ANAPC11: variants seen among roughly 807,000 people sequenced by gnomAD.
The protein encoded by ANAPC11 is anaphase promoting complex subunit 11.
Under a neutral mutation model 11.8 loss-of-function variants are expected in ANAPC11, and 5 were observed. That is an observed-to-expected ratio of 0.42 (90% CI 0.22 to 0.89). The LOEUF is 0.89. Ranked by LOEUF, ANAPC11 falls within the 40% of genes least tolerant of loss-of-function variation. The probability of loss-of-function intolerance (pLI) is 0.28; values close to 1 mark genes in which losing one functional copy is unlikely to be tolerated. For synonymous variants in ANAPC11, 45 were observed against 41.0 expected, an observed-to-expected ratio of 1.10 and a Z score of -0.38; for missense variants, 68 against 112.9, an observed-to-expected ratio of 0.60 and a Z score of 1.80.
chr17:81,891,795 C>G lies in ANAPC11; in HGVS notation c.-121C>G, dbSNP rs1433976200. ...GCCGCGACTGTGGTCGTTTTTATAC[C>G]TTCCCGCGCGGACGCCGGCGCTGCC... On this transcript the variant is annotated 5_prime_UTR_variant, in exon 1 of 4. Transcript: ENST00000344877. 3.8e-6 allele frequency: 1 copy of G among 264,104 alleles called. No homozygotes were observed. Among genetic ancestry groups the G allele is most frequent in the African/African-American group, 2.3e-5 (1 of 43,232 alleles). The allele number at this position is 264,104 out of a possible 1,614,324, so 16.4% of individuals were successfully genotyped here.
At chr17:81,891,629 C>T, upstream of ANAPC11, 2 of 1,331,422 alleles carry the variant, frequency 1.5e-6, no homozygotes, top group Admixed American at 3.3e-5. Flanking sequence ...TCCGGCGCCG[C>T]GTGAGGCCTT....
intron 3 of ANAPC11, chr17:81,899,183 G>C (rs1283150069): frequency 2.6e-6 from 4 of 1,540,468 alleles, no homozygotes; most frequent in African/African-American, 2.7e-5. Flanking sequence ...GGCTCTTGGA[G>C]ATCAGGGACA....
In ANAPC11 at chr17:81,894,506, G is replaced by T; in HGVS notation, c.29G>T (p.Gly10Val). Residue 10 changes from glycine to valine, a missense_variant, in exon 3 of 4, where the codon GGC (glycine) becomes GTC (valine). Coordinates refer to ENST00000344877, the MANE Select transcript of ANAPC11 (RefSeq NM_001002248.3). MKVKIKCWN[G>V]VATWLWVAND... ...AAGGTGAAGATTAAGTGCTGGAACG[G>T]CGTGGCCACTTGGCTCTGGGTGGCC... The T allele has an allele frequency of 6.2e-7, 1 of 1,613,164 alleles. No individual in the cohort carries two copies. The highest frequency in any genetic ancestry group is 8.5e-7 in the Non-Finnish European group (1 of 1,179,380).
intron 3 of ANAPC11, among the ~76,000 whole-genome samples, chr17:81,895,949 A>C (rs147463213): frequency 3.9e-5 from 6 of 152,260 alleles, no homozygotes; most frequent in African/African-American, 1.4e-4. Flanking sequence ...AACAAACAAA[A>C]AAAAGATTAG....
intron 3 of ANAPC11, 21 bp downstream of exon 3, chr17:81,894,607 G>C (rs1435250365): frequency 2.6e-6 from 4 of 1,558,724 alleles, no homozygotes; most frequent in Admixed American, 1.7e-5. Flanking sequence ...CCTCCATGCT[G>C]TCTGAGCGGC....
At chr17:81,899,720 T>C (rs1177342424) in intron 3 of ANAPC11, 200 bp from the exon 4 acceptor site, 2 of 953,444 alleles carry the variant, frequency 2.1e-6, no homozygotes, top group Admixed American at 5.7e-5. Flanking sequence ...TGTCCCTTGG[T>C]CATTGCTGGT....
chr17:81,897,717 C>T (rs148750831), intron 3 of ANAPC11, among the ~76,000 whole-genome samples: 1,746 of 152,194 alleles, frequency 0.011, 31 homozygotes, highest in African/African-American at 0.04. Flanking sequence ...CTCCTGGGCT[C>T]AAGGGATCTG....
At chr17:81,894,704 A>G in intron 3 of ANAPC11, 118 bp downstream of exon 3, 2 of 453,576 alleles carry the variant, frequency 4.4e-6, no homozygotes, top group South Asian at 6.5e-5. Flanking sequence ...CGAAATACCC[A>G]GTTTCATTTT....
At chr17:81,899,412 C>T in intron 3 of ANAPC11, 1 of 1,613,988 alleles carries the variant, frequency 6.2e-7, no homozygotes, top group Non-Finnish European at 8.5e-7. Flanking sequence ...GTCCCCAGAC[C>T]CCACCCCTCC....
chr17:81,890,946 G>A (rs2039510862), upstream of ANAPC11: 4 of 1,427,752 alleles, frequency 2.8e-6, no homozygotes, highest in Admixed American at 2.1e-5. Flanking sequence ...GGGGCCGCCA[G>A]CGCTCCCTCC....
rs1230986658 is a variant in ANAPC11 at position 81,900,130 on chromosome 17, T to A, written c.*65T>A. 1.2e-6 allele frequency: 2 copies of A among 1,600,952 alleles called. No homozygotes were observed. Among genetic ancestry groups the A allele is most frequent in the Non-Finnish European group, 1.7e-6 (2 of 1,174,170 alleles). ...CCTTCCTCATGCTGGCGCCGATGGC[T>A]GCTGGGGACAGCGCCCCTGAGCTGC... On this transcript the variant is annotated 3_prime_UTR_variant, in exon 4 of 4. Coordinates refer to ENST00000344877, the MANE Select transcript of ANAPC11 (RefSeq NM_001002248.3).
At chr17:81,897,613 A>T (rs1028357910) in intron 3 of ANAPC11, among the ~76,000 whole-genome samples, 3 of 152,062 alleles carry the variant, frequency 2.0e-5, no homozygotes, top group Non-Finnish European at 4.4e-5. Context: ...AGTAGCTGGG[A>T]CCACAGGCAT....
chr17:81,897,479 A>G (rs750925852), intron 3 of ANAPC11, among the ~76,000 whole-genome samples: 6 of 151,862 alleles, frequency 4.0e-5, no homozygotes, highest in Non-Finnish European at 8.8e-5. Flanking sequence ...GAATCTTAGT[A>G]CAATTTTTTT....
chr17:81,899,684 G>T, intron 3 of ANAPC11: 1 of 1,104,964 alleles, frequency 9.1e-7, no homozygotes. Flanking sequence ...TGCTGCGGTT[G>T]CCCCGGGTGG....
rs150198509 is a variant in ANAPC11 at position 81,899,325 on chromosome 17, C to A, written c.110-595C>A. ...TGTCCTGGGAGGCAGGGCCCATCCA[C>A]AGGTGCCCATCAACACAGCTTCCCC... On this transcript the variant is annotated intron_variant, in intron 3 of 3. Transcript: ENST00000344877. 18 of 1,613,530 alleles carry A rather than the reference C, an allele frequency of 1.1e-5. No individual in the cohort carries two copies. Among genetic ancestry groups the A allele is most frequent in the Non-Finnish European group, 1.5e-5 (18 of 1,180,020 alleles).
At chr17:81,899,280 T>G in intron 3 of ANAPC11, 1 of 1,612,736 alleles carries the variant, frequency 6.2e-7, no homozygotes, top group Non-Finnish European at 8.5e-7. Flanking sequence ...GTGTTTGGGC[T>G]GGTGCCCGCA....
chr17:81,891,551 G>C, upstream of ANAPC11: 3 of 1,438,648 alleles, frequency 2.1e-6, no homozygotes, highest in Non-Finnish European at 2.7e-6. Flanking sequence ...TGTCCATTTT[G>C]TCGGCCATGG....
At chr17:81,893,470 T>G (rs1280351558) in intron 1 of ANAPC11, 82 bp from the exon 2 acceptor site, 2 of 152,110 alleles carry the variant, frequency 1.3e-5, no homozygotes, top group Non-Finnish European at 2.9e-5. Flanking sequence ...CCTCAAGTGA[T>G]CCACCCTCCT....
At chr17:81,897,022 A>G (rs1304636359) in intron 3 of ANAPC11, among the ~76,000 whole-genome samples, 1 of 151,096 alleles carries the variant, frequency 6.6e-6, no homozygotes, top group African/African-American at 2.4e-5. Context: ...TATTTTCGAG[A>G]CAGAGTCTCA....
Sources: allele counts gnomAD v4.1 joint callset (sites outside exome capture counted in the v4.1 genomes callset), GRCh38; gene constraint gnomAD v4.1.1; transcripts MANE v1.5; gene names NCBI Gene and HGNC (gene_info 2026-07-23, HGNC 2026-07-21).